The following HK1 variants were observed in gnomAD, a reference collection of about 807,000 sequenced individuals.
HK1 encodes hexokinase 1.
Under a neutral mutation model 91.6 loss-of-function variants are expected in HK1, and 28 were observed. The ratio of observed to expected loss-of-function variants is 0.31; its 90% CI spans 0.23 to 0.42. HK1 has a LOEUF of 0.42. HK1 is among the 10% of genes least tolerant of loss of function. HK1 has a pLI of 1.00. For missense variants in HK1, 770 were observed against 1,219.8 expected (o/e 0.63, Z 5.49); for synonymous variants, 430 against 468.1 (o/e 0.92, Z 1.05).
chr10:69,325,699 G>A (rs1396273860), intron 1 of HK1, among the ~76,000 whole-genome samples: 1 of 151,782 alleles, frequency 6.6e-6, no homozygotes, highest in Non-Finnish European at 1.5e-5. Context: ...ACCATGCCCG[G>A]CTAATTTTTG....
chr10:69,300,095 C>T (rs887220939), intron 4 of HK1, among the ~76,000 whole-genome samples: 5 of 151,726 alleles, frequency 3.3e-5, no homozygotes, highest in African/African-American at 1.2e-4. Context: ...CCACCATGCC[C>T]GGCTGTTTAA....
chr10:69,313,373 A>G (rs1212415542), upstream of HK1, among the ~76,000 whole-genome samples: 1 of 152,208 alleles, frequency 6.6e-6, no homozygotes, highest in African/African-American at 2.4e-5. Flanking sequence ...AGCTAGTGCC[A>G]TGATGACCAC....
intron 3 of HK1, among the ~76,000 whole-genome samples, chr10:69,362,930 C>T (rs1445906742): frequency 6.6e-6 from 1 of 152,168 alleles, no homozygotes; most frequent in East Asian, 1.9e-4. Context: ...GATAGAAGGT[C>T]CTACATTAAA....
intron 5 of HK1, among the ~76,000 whole-genome samples, chr10:69,303,246 C>T (rs1294406548): frequency 6.6e-6 from 1 of 151,978 alleles, no homozygotes; most frequent in Non-Finnish European, 1.5e-5. Context: ...GATGCAGGTT[C>T]TATTCTATTT....
At chr10:69,365,201 G>C (rs1442272733) in intron 4 of HK1, among the ~76,000 whole-genome samples, 2 of 152,098 alleles carry the variant, frequency 1.3e-5, no homozygotes, top group Admixed American at 1.3e-4. Flanking sequence ...AATGGTGGTG[G>C]AGAGAGGTGG....
chr10:69,273,850 C>T (rs1564745409), intron 1 of HK1, among the ~76,000 whole-genome samples: 1 of 152,116 alleles, frequency 6.6e-6, no homozygotes, highest in Non-Finnish European at 1.5e-5. Context: ...TTTTTTCTAA[C>T]TTTTCTTTTA....
chr10:69,357,325 T>A (rs1410373998), intron 2 of HK1, among the ~76,000 whole-genome samples: 1 of 152,186 alleles, frequency 6.6e-6, no homozygotes, highest in Non-Finnish European at 1.5e-5. Flanking sequence ...ATAAAATGTG[T>A]TATATCTATA....
chr10:69,393,259 G>A (rs1462453053), intron 15 of HK1, among the ~76,000 whole-genome samples: 1 of 152,008 alleles, frequency 6.6e-6, no homozygotes, highest in African/African-American at 2.4e-5. Flanking sequence ...GGGATTACAG[G>A]TGTGAGCCAC....
chr10:69,304,466 C>T (rs12782422), intron 5 of HK1, among the ~76,000 whole-genome samples: 1 of 151,902 alleles, frequency 6.6e-6, no homozygotes, highest in Admixed American at 6.6e-5. Context: ...CGCCACCACA[C>T]CCAGCTAATT....
intron 9 of HK1, 97 bp from the exon 10 acceptor site, chr10:69,382,390 A>G: frequency 7.6e-7 from 1 of 1,316,274 alleles, no homozygotes; most frequent in Non-Finnish European, 1.1e-6. Flanking sequence ...AAAGGAAAAG[A>G]AAAAAGAGTT....
chr10:69,368,611 A>G lies in HK1; in HGVS notation c.571A>G (p.Lys191Glu), dbSNP rs767596890. The G allele has an allele frequency of 1.2e-6, 2 of 1,613,942 alleles. No homozygotes were observed. The highest frequency in any genetic ancestry group is 2.7e-5 in the African/African-American group (2 of 74,940). Residue 191 changes from lysine (K) to glutamate (E), a missense_variant, in exon 5 of 18, where the codon AAA (lysine) becomes GAA (glutamate). Coordinates refer to ENST00000359426, the MANE Select transcript of HK1 (RefSeq NM_000188.3). The stretch of plus-strand genomic sequence containing the variant: ...AGCAGATGTGGTCAAACTGCTTAAC[A>G]AAGCCATCAAAAAGCGAGGGGTAAT... ...EGADVVKLLN[K>E]AIKKRGDYDA... is the part of the protein sequence containing the mutation.
At chr10:69,272,164 C>G (rs1844204187) in intron 1 of HK1, among the ~76,000 whole-genome samples, 2 of 152,124 alleles carry the variant, frequency 1.3e-5, no homozygotes, top group Non-Finnish European at 2.9e-5. Context: ...GCGCCTGACC[C>G]AATATATTTG....
chr10:69,343,077 C>T (rs1848372527), intron 1 of HK1, among the ~76,000 whole-genome samples: 1 of 152,114 alleles, frequency 6.6e-6, no homozygotes, highest in Admixed American at 6.5e-5. Flanking sequence ...ACAGGCCCGG[C>T]ACATGGGTAT....
In HK1 at chr10:69,382,669, T is replaced by G. The variant is rs1839450295; in HGVS notation, c.1448T>G (p.Met483Arg). Residue 483 changes from methionine to arginine, a missense_variant, in exon 10 of 18, where the codon ATG becomes AGG. Met to Arg is a moderately conservative substitution (Grantham distance 91). Transcript: ENST00000359426. ...GCTCATTTCCACCTCACCAAGGACA[T>G]GCTGCTGGAGGTGAAGAAGAGGATG... ...TLAHFHLTKD[M>R]LLEVKKRMRA... 1 of 1,613,830 alleles carries G rather than the reference T, an allele frequency of 6.2e-7. No homozygotes were observed. The highest frequency in any genetic ancestry group is 1.1e-5 in the South Asian group (1 of 91,016).
chr10:69,273,787 G>A (rs1009436152), intron 1 of HK1, among the ~76,000 whole-genome samples: 10 of 152,142 alleles, frequency 6.6e-5, no homozygotes, highest in African/African-American at 2.4e-4. Flanking sequence ...GAATATCCAT[G>A]TCCTTTTTTA....
chr10:69,311,499 G>C (rs1430572263), upstream of HK1, among the ~76,000 whole-genome samples: 1 of 152,200 alleles, frequency 6.6e-6, no homozygotes, highest in African/African-American at 2.4e-5. Context: ...AAGGTGATTT[G>C]AGATTGCTCT....
chr10:69,360,489 G>C (rs552123353), intron 3 of HK1, among the ~76,000 whole-genome samples: 18 of 152,364 alleles, frequency 1.2e-4, no homozygotes, highest in Admixed American at 8.5e-4. Flanking sequence ...TTGTCGGGCA[G>C]GAATGAGGTC....
At chr10:69,276,118 A>AAAAAAATATATATATATAT in intron 1 of HK1, among the ~76,000 whole-genome samples, 24 of 38,270 alleles carry the variant, frequency 6.3e-4, no homozygotes, top group Non-Finnish European at 8.7e-4. Context: ...AAAAAAAAAA[A>AAAAAAATATATATATATAT]ATACATATAT....
At chr10:69,303,636 C>T (rs970613270) in intron 5 of HK1, among the ~76,000 whole-genome samples, 3 of 151,868 alleles carry the variant, frequency 2.0e-5, no homozygotes, top group East Asian at 3.9e-4. Context: ...GGGAGGCTAC[C>T]GAACCAGGAT....
Sources: gnomAD v4.1 joint callset for allele counts (sites outside exome capture counted in the v4.1 genomes callset) on GRCh38, gnomAD v4.1.1 for gene constraint, MANE v1.5 for transcripts, NCBI Gene and HGNC (gene_info 2026-07-23, HGNC 2026-07-21) for gene names.